KIAA1328: variants seen among roughly 807,000 people sequenced by gnomAD.
KIAA1328 encodes KIAA1328, also known as protein hinderin.
Under a neutral mutation model 68.1 loss-of-function variants are expected in KIAA1328, and 52 were observed. The ratio of observed to expected loss-of-function variants is 0.76; its 90% CI spans 0.61 to 0.96. KIAA1328 has a LOEUF of 0.96. Among genes scored for constraint, KIAA1328 ranks in the 40% least tolerant of loss-of-function variants. KIAA1328 has a pLI of 0.00. For missense variants in KIAA1328, 641 were observed against 677.6 expected (o/e 0.95, Z 0.60); for synonymous variants, 232 against 239.4 (o/e 0.97, Z 0.28).
intron 3 of KIAA1328, among the ~76,000 whole-genome samples, chr18:36,836,096 C>T (rs2046664898): frequency 6.6e-6 from 1 of 152,122 alleles, no homozygotes; most frequent in South Asian, 2.1e-4. Flanking sequence ...AAAACATTTA[C>T]TATCAGACCT....
intron 7 of KIAA1328, among the ~76,000 whole-genome samples, chr18:37,146,130 G>A (rs1461863778): frequency 6.6e-6 from 1 of 151,960 alleles, no homozygotes; most frequent in East Asian, 1.9e-4. Flanking sequence ...ACATGTGCAG[G>A]TTTGTTATAT....
At chr18:36,947,943 T>C (rs902479009) in intron 5 of KIAA1328, among the ~76,000 whole-genome samples, 6 of 152,092 alleles carry the variant, frequency 3.9e-5, no homozygotes, top group African/African-American at 1.4e-4. Context: ...AAGATCTCTG[T>C]TTTAATGTTA....
At chr18:36,851,420 G>A (rs2047207514) in intron 4 of KIAA1328, among the ~76,000 whole-genome samples, 2 of 151,956 alleles carry the variant, frequency 1.3e-5, no homozygotes, top group African/African-American at 4.8e-5. Context: ...AATCAGTGAA[G>A]CCATCTGGTC....
Position 37,160,330 on chromosome 18 carries a change from G to T in KIAA1328, c.1363G>T (p.Asp455Tyr). Reference sequence around the variant, plus strand: ...AGTTGGGTTTCATTCGCATATGAAAGATGATGCCCAGTGGTCATGTCAAAA... The same window carrying T: ...AGTTGGGTTTCATTCGCATATGAAATATGATGCCCAGTGGTCATGTCAAAA... ...KTVGFHSHMK[D>Y]DAQWSCQKKD... Residue 455 changes from aspartate to tyrosine, a missense_variant, in exon 8 of 10, where the codon GAT (aspartate) becomes TAT (tyrosine). Asp to Tyr is a radical substitution (Grantham distance 160). Coordinates refer to ENST00000280020, the MANE Select transcript of KIAA1328 (RefSeq NM_020776.3). 1 of 1,613,690 alleles carries T rather than the reference G, an allele frequency of 6.2e-7. No individual in the cohort carries two copies. Among genetic ancestry groups the T allele is most frequent in the African/African-American group, 1.3e-5 (1 of 75,046 alleles).
chr18:36,873,298 A>G (rs1307795451), intron 4 of KIAA1328, among the ~76,000 whole-genome samples: 3 of 152,176 alleles, frequency 2.0e-5, no homozygotes, highest in South Asian at 4.1e-4. Context: ...TTCCTACTCT[A>G]CACATTATTA....
chr18:36,844,982 C>T (rs73435529), intron 4 of KIAA1328, among the ~76,000 whole-genome samples: 6,086 of 151,812 alleles, frequency 0.04, 420 homozygotes, highest in African/African-American at 0.14. Context: ...TACTTTTTAT[C>T]ACTGAATTGC....
At chr18:36,909,141 T>G (rs2049331391) in intron 5 of KIAA1328, among the ~76,000 whole-genome samples, 1 of 152,138 alleles carries the variant, frequency 6.6e-6, no homozygotes, top group African/African-American at 2.4e-5. Context: ...ATGCTTTTTT[T>G]TATTATTATA....
intron 9 of KIAA1328, among the ~76,000 whole-genome samples, chr18:37,184,076 T>G (rs913828962): frequency 6.6e-6 from 1 of 152,214 alleles, no homozygotes; most frequent in African/African-American, 2.4e-5. Flanking sequence ...ATTTGTTGGG[T>G]GAATGAATTA....
chr18:36,905,563 G>T (rs72887049), intron 5 of KIAA1328, among the ~76,000 whole-genome samples: 3 of 151,902 alleles, frequency 2.0e-5, no homozygotes, highest in Non-Finnish European at 4.4e-5. Context: ...TTACAAAAAC[G>T]TCTTTATTTT....
At chr18:37,072,345 C>T (rs565295509) in intron 7 of KIAA1328, among the ~76,000 whole-genome samples, 1 of 151,296 alleles carries the variant, frequency 6.6e-6, no homozygotes, top group African/African-American at 2.4e-5. Context: ...ATTTTCTTCT[C>T]TCCACTGATG....
intron 6 of KIAA1328, among the ~76,000 whole-genome samples, chr18:37,008,481 G>T (rs2053859448): frequency 1.3e-5 from 2 of 152,122 alleles, no homozygotes; most frequent in Admixed American, 1.3e-4. Context: ...CATTTTAAAT[G>T]TCCAGGATAT....
intron 9 of KIAA1328, among the ~76,000 whole-genome samples, chr18:37,210,332 A>C (rs1297504185): frequency 6.6e-6 from 1 of 152,094 alleles, no homozygotes; most frequent in African/African-American, 2.4e-5. Context: ...AATTAATGCC[A>C]CTCCAGCTTG....
intron 9 of KIAA1328, among the ~76,000 whole-genome samples, chr18:37,174,324 A>G (rs1018822470): frequency 6.6e-6 from 1 of 151,426 alleles, no homozygotes; most frequent in African/African-American, 2.4e-5. Flanking sequence ...GCCACACACA[A>G]TCAAAAAGAG....
At chr18:37,213,887 A>C (rs540392611) in intron 9 of KIAA1328, among the ~76,000 whole-genome samples, 19 of 152,138 alleles carry the variant, frequency 1.2e-4, no homozygotes, top group Non-Finnish European at 2.4e-4. Context: ...ATTTGCATTT[A>C]TCTGATAACC....
chr18:37,163,565 T>TA lies in KIAA1328; in HGVS notation c.1414+3185dup, dbSNP rs1201677537. ...TAACTCCCAAACACATATTTTTTTT[T>TA]ACTGGAAGATGATTATTCTAGACTC... On this transcript the variant is annotated intron_variant, in intron 8 of 9. Coordinates refer to ENST00000280020, the MANE Select transcript of KIAA1328 (RefSeq NM_020776.3). Among the ~76,000 whole-genome samples, 8 of 152,308 alleles carry TA rather than the reference T, an allele frequency of 5.3e-5. No individual in the cohort carries two copies. The East Asian group carries it at 1.5e-3, about 29-fold the overall frequency.
intron 7 of KIAA1328, among the ~76,000 whole-genome samples, chr18:37,070,469 T>C (rs1036333131): frequency 1.3e-5 from 2 of 152,210 alleles, no homozygotes; most frequent in Non-Finnish European, 1.5e-5. Context: ...GTATTTGTTT[T>C]AAATATTTAT....
chr18:36,846,644 C>A (rs977159822), intron 4 of KIAA1328, among the ~76,000 whole-genome samples: 1 of 151,512 alleles, frequency 6.6e-6, no homozygotes, highest in African/African-American at 2.4e-5. Context: ...CCATCCCAGG[C>A]AACCATTAAT....
At chr18:36,984,294 A>C (rs915119486) in intron 6 of KIAA1328, among the ~76,000 whole-genome samples, 1 of 152,162 alleles carries the variant, frequency 6.6e-6, no homozygotes, top group Non-Finnish European at 1.5e-5. Flanking sequence ...AAGACATCCA[A>C]ATTGAGAAGC....
chr18:37,164,426 A>G (rs951540436), intron 8 of KIAA1328, among the ~76,000 whole-genome samples: 15 of 152,206 alleles, frequency 9.9e-5, no homozygotes, highest in Non-Finnish European at 1.5e-5. Context: ...GTAATGTCAA[A>G]GAGAAATCAG....
Sources: gnomAD v4.1 joint callset for allele counts (sites outside exome capture counted in the v4.1 genomes callset) on GRCh38, gnomAD v4.1.1 for gene constraint, MANE v1.5 for transcripts, NCBI Gene and HGNC (gene_info 2026-07-23, HGNC 2026-07-21) for gene names.